DCUN1D3: variants seen among roughly 807,000 people sequenced by gnomAD.
The protein encoded by DCUN1D3 is DCN1-like protein 3.
In DCUN1D3, 6 loss-of-function variants were observed where a neutral mutation model predicts 24.8. The observed-to-expected ratio is 0.24, with a 90% CI of 0.13 to 0.48. DCUN1D3 has a LOEUF of 0.48. Ranked by LOEUF, DCUN1D3 falls within the 20% of genes least tolerant of loss-of-function variation. DCUN1D3 has a pLI of 0.99. For missense variants in DCUN1D3, 258 were observed against 379.4 expected (o/e 0.68, Z 2.66); for synonymous variants, 120 against 144.9 (o/e 0.83, Z 1.24).
chr16:20,862,057 G>A, intron 2 of DCUN1D3, 51 bp downstream of exon 2: 1 of 1,591,008 alleles, frequency 6.3e-7, no homozygotes, highest in Non-Finnish European at 8.6e-7. Context: ...GCCCAATGCT[G>A]TTCCCTTTCC....
intron 1 of DCUN1D3, among the ~76,000 whole-genome samples, chr16:20,863,616 C>CA (rs541026032): frequency 1.3e-5 from 2 of 152,208 alleles, no homozygotes; most frequent in East Asian, 3.9e-4. Flanking sequence ...TGTGGTGATG[C>CA]ACACCTGTAC....
intron 1 of DCUN1D3, among the ~76,000 whole-genome samples, chr16:20,891,257 G>T (rs1472905567): frequency 3.3e-5 from 5 of 152,156 alleles, no homozygotes; most frequent in African/African-American, 1.2e-4. Flanking sequence ...CTCCCAAAGT[G>T]CTGGGATTAC....
intron 1 of DCUN1D3, among the ~76,000 whole-genome samples, chr16:20,865,742 C>T (rs915673512): frequency 6.6e-6 from 1 of 152,150 alleles, no homozygotes; most frequent in Non-Finnish European, 1.5e-5. Flanking sequence ...AAGGCTGGAG[C>T]TTTAAACTTT....
Position 20,861,767 on chromosome 16 carries a change from G to C in DCUN1D3, c.431+341C>G, listed in dbSNP as rs535989991. ...TATTCTGCAAAAAAAAAAAGAAAAA[G>C]AAAAAGAAAAAAAAAACCATAGCGT... On this transcript the variant is annotated intron_variant, in intron 2 of 2. Transcript: ENST00000324344. Among the ~76,000 whole-genome samples, 3 of 149,380 alleles carry C rather than the reference G, an allele frequency of 2.0e-5. No homozygotes were observed. The East Asian group carries it at 5.8e-4, about 29-fold the overall frequency.
rs190554178 is a variant in DCUN1D3, at chr16:20,859,737, C to T, written c.*149G>A. ...TGAAGAAAGTGCCTAAAACATGATA[C>T]AGCATTTTAGAGCCCTTTCAGATAC... On this transcript the variant is annotated 3_prime_UTR_variant, in exon 3 of 3. Coordinates refer to ENST00000324344, the MANE Select transcript of DCUN1D3 (RefSeq NM_173475.4). The T allele has an allele frequency of 4.5e-5, 49 of 1,092,808 alleles. No homozygotes were observed. In the East Asian group the frequency reaches 5.0e-4, roughly 11 times the overall value. 67.7% of individuals were successfully genotyped at this position (1,092,808 alleles called of 1,614,324 possible).
At chr16:20,876,701 G>A (rs2081817460) in intron 1 of DCUN1D3, among the ~76,000 whole-genome samples, 2 of 152,156 alleles carry the variant, frequency 1.3e-5, no homozygotes, top group African/African-American at 2.4e-5. Flanking sequence ...GAATCCACCT[G>A]AGTGCCCATC....
intron 1 of DCUN1D3, among the ~76,000 whole-genome samples, chr16:20,873,606 G>A (rs1338269054): frequency 6.6e-6 from 1 of 152,190 alleles, no homozygotes; most frequent in Admixed American, 6.5e-5. Context: ...TTCATCAGGT[G>A]ATTACCCAAT....
intron 1 of DCUN1D3, among the ~76,000 whole-genome samples, chr16:20,885,054 C>G (rs2081862307): frequency 6.7e-6 from 1 of 149,530 alleles, no homozygotes; most frequent in Non-Finnish European, 1.5e-5. Flanking sequence ...TGGCTCTCTG[C>G]AACCTCTGCC....
chr16:20,868,717 C>A (rs1264750649), intron 1 of DCUN1D3, among the ~76,000 whole-genome samples: 1 of 151,896 alleles, frequency 6.6e-6, no homozygotes, highest in Non-Finnish European at 1.5e-5. Context: ...GGTCTGCTCA[C>A]AATAAGTGAC....
intron 1 of DCUN1D3, among the ~76,000 whole-genome samples, chr16:20,863,851 G>C (rs1338085675): frequency 6.6e-6 from 1 of 152,120 alleles, no homozygotes; most frequent in African/African-American, 2.4e-5. Flanking sequence ...CAACAAAGCT[G>C]ACAAAAACAA....
intron 1 of DCUN1D3, among the ~76,000 whole-genome samples, chr16:20,873,636 T>C (rs2081800377): frequency 6.6e-6 from 1 of 152,198 alleles, no homozygotes; most frequent in African/African-American, 2.4e-5. Flanking sequence ...CAGATCCTTT[T>C]CCCTCGCTCT....
chr16:20,870,234 A>G (rs2081781382), intron 1 of DCUN1D3, among the ~76,000 whole-genome samples: 1 of 152,144 alleles, frequency 6.6e-6, no homozygotes, highest in Non-Finnish European at 1.5e-5. Flanking sequence ...CAACCCTCCT[A>G]AGGACAGGCA....
At chr16:20,874,118 T>C (rs774206204) in intron 1 of DCUN1D3, among the ~76,000 whole-genome samples, 5 of 152,234 alleles carry the variant, frequency 3.3e-5, no homozygotes, top group African/African-American at 1.2e-4. Flanking sequence ...GACACAGCTA[T>C]GTCACTCAGA....
rs1258607074 is a variant in DCUN1D3, at chr16:20,857,591, T to C, written c.*2295A>G. The stretch of plus-strand genomic sequence containing the variant: ...GAACCGGGGAAAATGAGTTGCAAAC[T>C]GGCTTAATGAAAAAGCAGTCTTTTT... On this transcript the variant is annotated 3_prime_UTR_variant, in exon 3 of 3. Coordinates refer to ENST00000324344, the MANE Select transcript of DCUN1D3 (RefSeq NM_173475.4). The C allele has an allele frequency of 6.6e-6, 1 of 152,334 alleles. No homozygotes were observed. The highest frequency in any genetic ancestry group is 1.9e-4 in the East Asian group (1 of 5,182). The allele number at this position is 152,334 out of a possible 1,614,324, so 9.4% of individuals were successfully genotyped here.
chr16:20,891,084 C>A (rs2081890237), intron 1 of DCUN1D3, among the ~76,000 whole-genome samples: 2 of 151,754 alleles, frequency 1.3e-5, no homozygotes, highest in South Asian at 4.1e-4. Context: ...ATCTCTGCCA[C>A]CAGGGTTCAA....
chr16:20,878,339 T>C (rs1231149598), intron 1 of DCUN1D3, among the ~76,000 whole-genome samples: 2 of 152,194 alleles, frequency 1.3e-5, no homozygotes, highest in African/African-American at 4.8e-5. Context: ...GAAGCTGACA[T>C]AGGGAGATGT....
intron 1 of DCUN1D3, among the ~76,000 whole-genome samples, chr16:20,883,974 A>G (rs181569165): frequency 4.6e-5 from 7 of 152,250 alleles, no homozygotes; most frequent in African/African-American, 1.4e-4. Context: ...AACATCCTAA[A>G]AGGGCTTTAT....
Position 20,874,821 on chromosome 16 carries a change from A to AT in DCUN1D3, c.-105-12179dup, listed in dbSNP as rs532931106. 6.7e-3 allele frequency among the ~76,000 whole-genome samples: 1,001 copies of AT among 149,080 alleles called. 16 individuals are homozygous for AT. Among genetic ancestry groups the AT allele is most frequent in the African/African-American group, 0.023 (933 of 40,792 alleles). The stretch of plus-strand genomic sequence containing the variant: ...TTGAGGCCCCAAGGTTTAGGCTTTG[A>AT]TTTTTTTTTTTAAGTTACTTATTTT... On this transcript the variant is annotated intron_variant, in intron 1 of 2. Transcript: ENST00000324344.
intron 1 of DCUN1D3, among the ~76,000 whole-genome samples, chr16:20,887,420 G>A (rs1401771543): frequency 6.6e-6 from 1 of 152,176 alleles, no homozygotes; most frequent in Non-Finnish European, 1.5e-5. Flanking sequence ...ATTCATTTCA[G>A]CAACACATAA....
Sources: allele counts gnomAD v4.1 joint callset (sites outside exome capture counted in the v4.1 genomes callset), GRCh38; gene constraint gnomAD v4.1.1; transcripts MANE v1.5; gene names NCBI Gene and HGNC (gene_info 2026-07-23, HGNC 2026-07-21).